The following ZNF267 variants were observed in gnomAD, a reference collection of about 807,000 sequenced individuals.
ZNF267 encodes zinc finger protein 267.
In ZNF267, 61 loss-of-function variants were observed where a neutral mutation model predicts 71.6. The ratio of observed to expected loss-of-function variants is 0.85; its 90% CI spans 0.69 to 1.05. ZNF267 has a LOEUF of 1.05. Ranked by LOEUF, ZNF267 falls within the 50% of genes least tolerant of loss-of-function variation. The pLI, the probability that ZNF267 is intolerant of heterozygous loss-of-function variation, is 0.00. For missense variants in ZNF267, 852 were observed against 870.0 expected (o/e 0.98, Z 0.26); for synonymous variants, 288 against 293.2 (o/e 0.98, Z 0.18).
At chr16:31,888,195 AATTTTTGTAT>A (rs1482776331) in intron 3 of ZNF267, among the ~76,000 whole-genome samples, 2 of 152,012 alleles carry the variant, frequency 1.3e-5, no homozygotes, top group African/African-American at 4.8e-5. Flanking sequence ...AAATGCTACT[AATTTTTGTAT>A]ATTTTTGTGG....
intron 3 of ZNF267, among the ~76,000 whole-genome samples, chr16:31,906,886 G>A (rs146609834): frequency 0.018 from 2,790 of 152,102 alleles, 95 homozygotes; most frequent in African/African-American, 0.064. Flanking sequence ...GGGAGCTGTA[G>A]ACTGGAGCTG....
chr16:31,915,962 T>C lies in ZNF267; in HGVS notation c.1713T>C (p.Thr571=). The C allele has an allele frequency of 6.2e-7, 1 of 1,612,784 alleles. No individual in the cohort carries two copies. Among genetic ancestry groups the C allele is most frequent in the Non-Finnish European group, 8.5e-7 (1 of 1,179,038 alleles). Residue 571 remains threonine, a synonymous_variant, in exon 4 of 4, where the codon ACT becomes ACC. Transcript: ENST00000300870. ...SHLIRHHRIH[T]GEKPYKCKAC... ...TTATTCGACATCATCGAATTCATACTGGAGAAAAACCATACAAATGTAAAG... is the reference window on the plus strand; with the variant it reads ...TTATTCGACATCATCGAATTCATACCGGAGAAAAACCATACAAATGTAAAG...
rs2142364784 is a variant in ZNF267 at position 31,915,212 on chromosome 16, A to T, written c.963A>T (p.Pro321=). The part of the protein sequence containing the change: ...RKQIIHNEEK[P]YKCEKCGDSL... ...AGATAATCCATAATGAAGAGAAACC[A>T]TACAAATGTGAAAAATGTGGGGATA... Residue 321 remains proline, a synonymous_variant, in exon 4 of 4, where the codon CCA becomes CCT. Transcript: ENST00000300870. The T allele has an allele frequency of 1.2e-6, 2 of 1,613,842 alleles. No homozygotes were observed. The highest frequency in any genetic ancestry group is 4.5e-5 in the East Asian group (2 of 44,820).
intron 3 of ZNF267, among the ~76,000 whole-genome samples, chr16:31,907,999 C>T (rs938817228): frequency 3.3e-5 from 5 of 151,390 alleles, no homozygotes; most frequent in South Asian, 2.1e-4. Flanking sequence ...ACCAAGATAG[C>T]GCCACTGCAC....
intron 3 of ZNF267, among the ~76,000 whole-genome samples, chr16:31,892,856 T>C (rs4026652): frequency 0.88 from 133,917 of 152,260 alleles, 60,402 homozygotes; most frequent in East Asian, 1. Context: ...TGGCCGCTTT[T>C]ACTGGCTGGC....
chr16:31,875,887 T>C (rs1235836378), intron 1 of ZNF267, among the ~76,000 whole-genome samples: 1 of 152,228 alleles, frequency 6.6e-6, no homozygotes, highest in Admixed American at 6.5e-5. Flanking sequence ...AATTAAAATA[T>C]CAAGTCATAC....
Position 31,916,838 on chromosome 16 carries a change from A to G in ZNF267, c.*357A>G, listed in dbSNP as rs994329504. 3.1e-5 allele frequency: 6 copies of G among 190,810 alleles called. No individual in the cohort carries two copies. The highest frequency in any genetic ancestry group is 1.4e-4 in the African/African-American group (6 of 42,116). 11.8% of individuals were successfully genotyped at this position (190,810 alleles called of 1,614,324 possible). The stretch of plus-strand genomic sequence containing the variant: ...ATAAATGTGAGGAAGTATTTAATAA[A>G]AAATGAAGTCTAAATGTGTCAGAGA... On this transcript the variant is annotated 3_prime_UTR_variant, in exon 4 of 4. Transcript: ENST00000300870.
chr16:31,901,881 C>T (rs2084044479), intron 3 of ZNF267, among the ~76,000 whole-genome samples: 2 of 152,182 alleles, frequency 1.3e-5, no homozygotes, highest in Admixed American at 6.5e-5. Context: ...TGCCTATGTC[C>T]TGAATGGTAT....
intron 3 of ZNF267, among the ~76,000 whole-genome samples, chr16:31,891,574 C>T (rs546564390): frequency 2.2e-4 from 34 of 152,198 alleles, no homozygotes; most frequent in African/African-American, 2.6e-4. Flanking sequence ...AATGATGGGG[C>T]GGGTCTTTCC....
At chr16:31,889,334 A>G (rs997131066) in intron 3 of ZNF267, among the ~76,000 whole-genome samples, 10 of 150,914 alleles carry the variant, frequency 6.6e-5, no homozygotes, top group Non-Finnish European at 1.2e-4. Context: ...TTCTTGATCA[A>G]GCTCCTTGAG....
rs1490882035 is a variant in ZNF267, at chr16:31,915,355, A to C, written c.1106A>C (p.Lys369Thr). 3.7e-6 allele frequency: 6 copies of C among 1,613,460 alleles called. No individual in the cohort carries two copies. Among genetic ancestry groups the C allele is most frequent in the East Asian group, 4.5e-5 (2 of 44,846 alleles). Residue 369 changes from lysine (K) to threonine (T), a missense_variant, in exon 4 of 4, where the codon AAA becomes ACA. Transcript: ENST00000300870. ...FNLNCSLYLT[K>T]QQQIDTGENL... ...CTTAACTGTAGTTTATACCTTACTA[A>C]ACAGCAGCAAATTGATACTGGAGAA...
rs761589803 is a variant in ZNF267 at position 31,915,495 on chromosome 16, G to A, written c.1246G>A (p.Ala416Thr). ...KPYKCKECGK[A>T]FRCSSYLTKH... ...ATACAAATGTAAAGAATGTGGCAAA[G>A]CCTTTCGCTGTAGTTCATACCTTAC... The change falls in exon 4 of 4, where the codon GCC becomes ACC. Residue 416 changes from alanine (A) to threonine (T), a missense_variant. Transcript: ENST00000300870. 2 of 1,613,512 alleles carry A rather than the reference G, an allele frequency of 1.2e-6. No homozygotes were observed. Among genetic ancestry groups the A allele is most frequent in the Non-Finnish European group, 1.7e-6 (2 of 1,179,874 alleles).
At chr16:31,896,388 A>G (rs1446781324) in intron 3 of ZNF267, among the ~76,000 whole-genome samples, 6 of 152,202 alleles carry the variant, frequency 3.9e-5, no homozygotes, top group East Asian at 1.9e-4. Flanking sequence ...CAAATGCCCT[A>G]TGCAAACTAT....
At chr16:31,905,004 T>C (rs1444522998) in intron 3 of ZNF267, among the ~76,000 whole-genome samples, 1 of 152,144 alleles carries the variant, frequency 6.6e-6, no homozygotes, top group Non-Finnish European at 1.5e-5. Flanking sequence ...CTCTCAGCAT[T>C]TGCTTGTCTG....
chr16:31,874,051 G>C (rs918973371), intron 1 of ZNF267, 82 bp downstream of exon 1: 3 of 1,501,972 alleles, frequency 2.0e-6, no homozygotes, highest in African/African-American at 2.8e-5. Flanking sequence ...GGGGCACCCG[G>C]GCCTCCCCGC....
chr16:31,914,626 A>G lies in ZNF267; in HGVS notation c.377A>G (p.Asn126Ser). 6 of 1,614,116 alleles carry G rather than the reference A, an allele frequency of 3.7e-6. No homozygotes were observed. Among genetic ancestry groups the G allele is most frequent in the Middle Eastern group, 1.7e-4 (1 of 6,058 alleles). Residue 126 changes from asparagine to serine, a missense_variant, in exon 4 of 4, where the codon AAT becomes AGT. Physicochemically the swap from Asn to Ser is conservative, Grantham distance 46. Coordinates refer to ENST00000300870, the MANE Select transcript of ZNF267 (RefSeq NM_003414.6). ...AAAAGGGAGGAGTGTGAAGGGCACA[A>G]TGGATGTTATGATGAAAAGACTTTT... The part of the protein sequence containing the change: ...RWKREECEGH[N>S]GCYDEKTFKY...
At chr16:31,901,483 C>T (rs567412094) in intron 3 of ZNF267, among the ~76,000 whole-genome samples, 88 of 152,266 alleles carry the variant, frequency 5.8e-4, no homozygotes, top group East Asian at 4.8e-3. Context: ...TTTTAATGAT[C>T]GCCATTCTAA....
At chr16:31,875,572 C>G (rs1324446565) in intron 1 of ZNF267, among the ~76,000 whole-genome samples, 2 of 152,144 alleles carry the variant, frequency 1.3e-5, no homozygotes, top group African/African-American at 4.8e-5. Context: ...ACAAAAACCC[C>G]ACCCCAGTGA....
In ZNF267 at chr16:31,884,484, T is replaced by A. The variant is rs1287395684; in HGVS notation, c.4-14T>A. ...ATGGCCACATGGTCAGTGTATTCTT[T>A]ATTTTTATTTCAGGGACTGTTGACA... On this transcript the variant is annotated splice_polypyrimidine_tract_variant and intron_variant, in intron 1 of 3. Coordinates refer to ENST00000300870, the MANE Select transcript of ZNF267 (RefSeq NM_003414.6). 5.0e-6 allele frequency: 8 copies of A among 1,614,058 alleles called. 1 individual carries two copies. The South Asian group carries it at 8.8e-5, about 18-fold the overall frequency.
Sources: allele counts gnomAD v4.1 joint callset (sites outside exome capture counted in the v4.1 genomes callset), GRCh38; gene constraint gnomAD v4.1.1; transcripts MANE v1.5; gene names NCBI Gene and HGNC (gene_info 2026-07-23, HGNC 2026-07-21).